Variants in ZNF638 observed in about 807,000 individuals in gnomAD.
The protein encoded by ZNF638 is CTCL tumor antigen se33-1.
A neutral mutation model predicts 195.6 loss-of-function variants in ZNF638; 46 were observed. The ratio of observed to expected loss-of-function variants is 0.24; its 90% CI spans 0.19 to 0.30. The LOEUF (loss-of-function observed/expected upper bound fraction) is 0.30. Ranked by LOEUF, ZNF638 falls within the 10% of genes least tolerant of loss-of-function variation. ZNF638 has a pLI of 1.00. For synonymous variants in ZNF638, 845 were observed against 772.0 expected (o/e 1.09, Z -1.57); for missense variants, 2,440 against 2,325.3 (o/e 1.05, Z -1.01).
chr2:71,390,497 G>T (rs1181652815), intron 10 of ZNF638, among the ~76,000 whole-genome samples: 1 of 152,148 alleles, frequency 6.6e-6, no homozygotes, highest in Non-Finnish European at 1.5e-5. Context: ...CAAGATTGAG[G>T]TATTAGTTAT....
At chr2:71,417,652 C>T (rs956936703) in intron 20 of ZNF638, among the ~76,000 whole-genome samples, 4 of 150,706 alleles carry the variant, frequency 2.7e-5, no homozygotes, top group Non-Finnish European at 1.5e-5. Context: ...CCTCTGATAC[C>T]ATGCAGGGTT....
intron 10 of ZNF638, among the ~76,000 whole-genome samples, chr2:71,381,881 A>C (rs1214375720): frequency 6.6e-6 from 1 of 152,124 alleles, no homozygotes; most frequent in African/African-American, 2.4e-5. Context: ...GCAGTAGAGA[A>C]TATGGAGCCA....
intron 2 of ZNF638, among the ~76,000 whole-genome samples, chr2:71,352,567 T>C (rs76545078): frequency 0.057 from 8,617 of 150,996 alleles, 965 homozygotes; most frequent in East Asian, 0.56. Flanking sequence ...GAGAGAAGAC[T>C]ACATTTCATT....
At chr2:71,424,830 G>T in intron 23 of ZNF638, 115 bp downstream of exon 23, 1 of 745,748 alleles carries the variant, frequency 1.3e-6, no homozygotes. Flanking sequence ...TTAGAGCAAG[G>T]GATAGGAATG....
At chr2:71,339,814 G>C (rs746272893) in intron 1 of ZNF638, among the ~76,000 whole-genome samples, 3 of 152,128 alleles carry the variant, frequency 2.0e-5, no homozygotes, top group Non-Finnish European at 4.4e-5. Context: ...CTTGGATAAG[G>C]TGTTTCCTCT....
chr2:71,350,708 C>T (rs1447526508), intron 2 of ZNF638, among the ~76,000 whole-genome samples: 1 of 152,146 alleles, frequency 6.6e-6, no homozygotes, highest in Non-Finnish European at 1.5e-5. Context: ...ATACACCTGT[C>T]TTGGGATAAA....
chr2:71,416,656 G>A (rs1166939863), intron 20 of ZNF638, among the ~76,000 whole-genome samples: 4 of 76,002 alleles, frequency 5.3e-5, no homozygotes, highest in Non-Finnish European at 9.9e-5. Context: ...ATGGGTTTTC[G>A]GTGTAGATGT....
chr2:71,332,004 G>GCGGCGGGCAGA (rs1450281391), intron 1 of ZNF638, 129 bp downstream of exon 1: 12 of 898,974 alleles, frequency 1.3e-5, no homozygotes, highest in African/African-American at 1.8e-5. Context: ...GCACAAAATG[G>GCGGCGGGCAGA]CGGCGGGCAG....
At chr2:71,364,630 CCTT>C (rs979721618) in intron 5 of ZNF638, among the ~76,000 whole-genome samples, 2 of 152,174 alleles carry the variant, frequency 1.3e-5, no homozygotes, top group Admixed American at 6.5e-5. Context: ...CAAACACACA[CCTT>C]CTTCTACAAT....
chr2:71,372,147 G>T (rs563639674), intron 8 of ZNF638, among the ~76,000 whole-genome samples: 35 of 152,110 alleles, frequency 2.3e-4, no homozygotes, highest in African/African-American at 8.2e-4. Flanking sequence ...TTCCCAGCTG[G>T]TACCTCCCTA....
chr2:71,346,643 A>G (rs909150374), intron 1 of ZNF638, among the ~76,000 whole-genome samples: 1 of 152,202 alleles, frequency 6.6e-6, no homozygotes, highest in Non-Finnish European at 1.5e-5. Context: ...TAAACCTTCA[A>G]CTGACATTAG....
intron 23 of ZNF638, among the ~76,000 whole-genome samples, chr2:71,426,160 G>T (rs1250176286): frequency 2.0e-5 from 3 of 152,060 alleles, no homozygotes; most frequent in African/African-American, 7.2e-5. Context: ...TACTTTAAAT[G>T]TATTTTTATG....
At chr2:71,347,333 C>T (rs2078867325) in intron 1 of ZNF638, among the ~76,000 whole-genome samples, 1 of 152,074 alleles carries the variant, frequency 6.6e-6, no homozygotes, top group African/African-American at 2.4e-5. Context: ...TGAAAATGTC[C>T]TTTTGCAAAG....
intron 16 of ZNF638, among the ~76,000 whole-genome samples, chr2:71,403,606 G>A (rs1323173523): frequency 6.6e-6 from 1 of 152,104 alleles, no homozygotes; most frequent in African/African-American, 2.4e-5. Context: ...CTTAATGTCA[G>A]TGGCTAGAAT....
intron 3 of ZNF638, among the ~76,000 whole-genome samples, chr2:71,360,175 T>G (rs1450826791): frequency 6.6e-6 from 1 of 152,220 alleles, no homozygotes; most frequent in African/African-American, 2.4e-5. Context: ...AATAAAATAT[T>G]GAAGAGAAAA....
chr2:71,355,222 C>T (rs1042189826), intron 2 of ZNF638, among the ~76,000 whole-genome samples: 2 of 152,150 alleles, frequency 1.3e-5, no homozygotes, highest in African/African-American at 4.8e-5. Flanking sequence ...TCCCAAAGTG[C>T]TGGGATTACA....
At chr2:71,390,129 CGTT>C (rs745622398) in intron 10 of ZNF638, among the ~76,000 whole-genome samples, 79 of 152,262 alleles carry the variant, frequency 5.2e-4, no homozygotes, top group Admixed American at 9.2e-4. Context: ...AAAGGGGAAA[CGTT>C]GGGCAAATCA....
intron 20 of ZNF638, among the ~76,000 whole-genome samples, chr2:71,411,467 A>ATTTTTTTTTTTTTTTTTTTTTTTTTTT (rs1476503004): frequency 1.2e-5 from 1 of 84,584 alleles, no homozygotes; most frequent in Admixed American, 1.6e-4. Context: ...TTTATTTTTT[A>ATTTTTTTTTTTTTTTTTTTTTTTTTTT]TTTTTAATTT....
At chr2:71,371,033 T>A (rs2104304924) in intron 8 of ZNF638, among the ~76,000 whole-genome samples, 1 of 152,256 alleles carries the variant, frequency 6.6e-6, no homozygotes, top group Non-Finnish European at 1.5e-5. Context: ...TGAGTTCAGT[T>A]GTTTTAGAGC....
Sources: allele counts gnomAD v4.1 joint callset (sites outside exome capture counted in the v4.1 genomes callset), GRCh38; gene constraint gnomAD v4.1.1; transcripts MANE v1.5; gene names NCBI Gene and HGNC (gene_info 2026-07-23, HGNC 2026-07-21).